Variants in CLEC12B observed in about 807,000 individuals in gnomAD.
CLEC12B encodes the protein C-type lectin domain family 12 member B.
In CLEC12B, 25 loss-of-function variants were observed where a neutral mutation model predicts 36.1. The observed-to-expected ratio is 0.69, with a 90% CI of 0.50 to 0.97. CLEC12B has a LOEUF of 0.97. Ranked by LOEUF, CLEC12B falls within the 50% of genes least tolerant of loss-of-function variation. CLEC12B has a pLI of 0.00. For synonymous variants in CLEC12B, 110 were observed against 108.5 expected (o/e 1.01, Z -0.09); for missense variants, 325 against 318.4 (o/e 1.02, Z -0.16).
chr12:10,015,654 T>C lies in CLEC12B; in HGVS notation c.607T>C (p.Trp203Arg), dbSNP rs765230820. ...GCCATTACTCATGTTTTCGTTCTTT[T>C]GGCTGGGATTATCATGGGACTCCTC... ...SQPLLMFSFFWLGLSWDSSGR... is the reference protein window; with the variant it reads ...SQPLLMFSFFRLGLSWDSSGR... Residue 203 changes from tryptophan to arginine, a missense_variant, in exon 5 of 6, where the codon TGG becomes CGG. Coordinates refer to ENST00000338896, the MANE Select transcript of CLEC12B (RefSeq NM_001129998.3). 3.7e-6 allele frequency: 6 copies of C among 1,613,798 alleles called. No homozygotes were observed. The highest frequency in any genetic ancestry group is 1.1e-5 in the South Asian group (1 of 91,066).
intron 5 of CLEC12B, chr12:10,017,897 CTA>C (rs749677154): frequency 1.8e-5 from 17 of 959,872 alleles, no homozygotes; most frequent in Non-Finnish European, 2.1e-5. Context: ...ATATGTATAA[CTA>C]TGTGAAAAAT....
chr12:10,010,855 G>A lies in CLEC12B; in HGVS notation c.91+5G>A, dbSNP rs779475516. ...GAAATAACCTAAGAAAAAGAGGTAG[G>A]AGTTCAGAGAAGACCAGCTGTGTCC... On this transcript the variant is annotated splice_donor_5th_base_variant and intron_variant, in intron 1 of 5. Coordinates refer to ENST00000338896, the MANE Select transcript of CLEC12B (RefSeq NM_001129998.3). 2.5e-6 allele frequency: 4 copies of A among 1,592,440 alleles called. No homozygotes were observed. The Admixed American group carries it at 6.7e-5, about 27-fold the overall frequency.
upstream of CLEC12B, among the ~76,000 whole-genome samples, chr12:10,008,884 G>T (rs1166899788): frequency 6.6e-6 from 1 of 152,178 alleles, no homozygotes; most frequent in Non-Finnish European, 1.5e-5. Flanking sequence ...GCAAAATCTG[G>T]TGAAAGTCAT....
chr12:10,013,223 T>C (rs1865381098), intron 2 of CLEC12B: 3 of 285,446 alleles, frequency 1.1e-5, no homozygotes, highest in African/African-American at 2.3e-5. Flanking sequence ...GAAATATGTA[T>C]TGAAGGAAGT....
upstream of CLEC12B, among the ~76,000 whole-genome samples, chr12:10,010,196 T>TCACACACACACACA (rs1339450318): frequency 8.9e-5 from 6 of 67,378 alleles, no homozygotes; most frequent in East Asian, 4.3e-4. Context: ...TCTCTGTCTC[T>TCACACACACACACA]CTCTCACACA....
upstream of CLEC12B, among the ~76,000 whole-genome samples, chr12:10,007,289 A>G (rs1336251150): frequency 6.6e-6 from 1 of 152,036 alleles, no homozygotes; most frequent in African/African-American, 2.4e-5. Flanking sequence ...ACATAAGTGA[A>G]CAAGTAGAGA....
upstream of CLEC12B, among the ~76,000 whole-genome samples, chr12:10,010,468 T>G (rs1865299447): frequency 6.6e-6 from 1 of 152,234 alleles, no homozygotes; most frequent in East Asian, 1.9e-4. Flanking sequence ...CCTCCTGCTC[T>G]GCCTCAAGCA....
chr12:10,013,610 C>T (rs555930984), intron 2 of CLEC12B, among the ~76,000 whole-genome samples: 95 of 152,240 alleles, frequency 6.2e-4, no homozygotes, highest in Non-Finnish European at 1.0e-3. Context: ...AGTGAATTGG[C>T]ATGGTATTCG....
intron 1 of CLEC12B, among the ~76,000 whole-genome samples, chr12:10,012,525 A>G (rs1195523192): frequency 6.6e-6 from 1 of 152,116 alleles, no homozygotes; most frequent in African/African-American, 2.4e-5. Flanking sequence ...AGCATTAGGT[A>G]TATCTCCTAA....
chr12:10,006,625 A>G (rs1565576037), upstream of CLEC12B, among the ~76,000 whole-genome samples: 2 of 152,180 alleles, frequency 1.3e-5, no homozygotes, highest in Non-Finnish European at 2.9e-5. Context: ...TTTGGAGAAG[A>G]AAGTTTGTCA....
In CLEC12B at chr12:10,015,425, C is replaced by T; in HGVS notation, c.564+19C>T. On this transcript the variant is annotated intron_variant, in intron 4 of 5. Coordinates refer to ENST00000338896, the MANE Select transcript of CLEC12B (RefSeq NM_001129998.3). ...AGAAAAGGTAGGATTGAGTCTCATT[C>T]TCTAGTTATAGACATTATCCATACA... The T allele has an allele frequency of 1.9e-6, 3 of 1,605,778 alleles. No homozygotes were observed. The highest frequency in any genetic ancestry group is 2.6e-6 in the Non-Finnish European group (3 of 1,176,294).
intron 5 of CLEC12B, chr12:10,018,069 A>G: frequency 1.4e-6 from 1 of 721,510 alleles, no homozygotes; most frequent in Non-Finnish European, 1.7e-6. Context: ...AAGGAAATAC[A>G]AATTCTCAGT....
At chr12:10,010,597 A>G (rs1393611472), upstream of CLEC12B, 2 of 521,036 alleles carry the variant, frequency 3.8e-6, no homozygotes, top group Admixed American at 3.3e-5. Context: ...TTCTCTGTAG[A>G]GAAACAAATT....
chr12:10,007,956 C>A (rs776634923), upstream of CLEC12B, among the ~76,000 whole-genome samples: 21 of 152,188 alleles, frequency 1.4e-4, no homozygotes, highest in Non-Finnish European at 2.6e-4. Flanking sequence ...GTTGCTATCT[C>A]AGTGGGCACT....
chr12:10,007,023 C>T (rs1865237480), upstream of CLEC12B, among the ~76,000 whole-genome samples: 2 of 151,558 alleles, frequency 1.3e-5, no homozygotes, highest in South Asian at 4.2e-4. Context: ...CCACTGCACT[C>T]CAGCCTGGGC....
chr12:10,010,859 T>A lies in CLEC12B; in HGVS notation c.91+9T>A, dbSNP rs1300714674. ...TAACCTAAGAAAAAGAGGTAGGAGT[T>A]CAGAGAAGACCAGCTGTGTCCTTGG... On this transcript the variant is annotated intron_variant, in intron 1 of 5. Coordinates refer to ENST00000338896, the MANE Select transcript of CLEC12B (RefSeq NM_001129998.3). The A allele has an allele frequency of 6.3e-7, 1 of 1,582,592 alleles. No homozygotes were observed.
upstream of CLEC12B, among the ~76,000 whole-genome samples, chr12:10,006,236 T>G (rs1865223346): frequency 6.6e-6 from 1 of 152,176 alleles, no homozygotes; most frequent in South Asian, 2.1e-4. Flanking sequence ...AGGTACCCAT[T>G]TTTTGATGTG....
chr12:10,008,100 T>C (rs1312127365), upstream of CLEC12B, among the ~76,000 whole-genome samples: 1 of 152,246 alleles, frequency 6.6e-6, no homozygotes, highest in Non-Finnish European at 1.5e-5. Context: ...TGCACTCTAG[T>C]GCAGTGCTGT....
chr12:10,018,417 G>GT lies in CLEC12B; in HGVS notation c.768dup (p.Ala257CysfsTer2). 6.4e-7 allele frequency: 1 copy of GT among 1,550,558 alleles called. No individual in the cohort carries two copies. Among genetic ancestry groups the GT allele is most frequent in the African/African-American group, 1.4e-5 (1 of 73,112 alleles). On this transcript the variant is annotated frameshift_variant, in exon 6 of 6. Coordinates refer to ENST00000338896, the MANE Select transcript of CLEC12B (RefSeq NM_001129998.3). LOFTEE classifies it high-confidence loss of function. Reference sequence around the variant, plus strand: ...GGAAATATTTATATTTCTCGCTGTAGTGCTGAAATTTTTTGGATTTGCGAG... The same window carrying GT: ...GGAAATATTTATATTTCTCGCTGTAGTTGCTGAAATTTTTTGGATTTGCGAG...
Sources: gnomAD v4.1 joint callset for allele counts (sites outside exome capture counted in the v4.1 genomes callset) on GRCh38, gnomAD v4.1.1 for gene constraint, MANE v1.5 for transcripts, NCBI Gene and HGNC (gene_info 2026-07-23, HGNC 2026-07-21) for gene names.